The following ARHGAP18 variants were observed in gnomAD, a reference collection of about 807,000 sequenced individuals.
ARHGAP18 encodes rho GTPase-activating protein 18.
A neutral mutation model predicts 86.2 loss-of-function variants in ARHGAP18; 67 were observed. The observed-to-expected ratio is 0.78, with a 90% CI of 0.64 to 0.95. The LOEUF (loss-of-function observed/expected upper bound fraction) is 0.95, where lower values mean the gene tolerates loss of function less well. Ranked by LOEUF, ARHGAP18 falls within the 40% of genes least tolerant of loss-of-function variation. ARHGAP18 has a pLI of 0.00. For synonymous variants in ARHGAP18, 283 were observed against 280.4 expected (o/e 1.01, Z -0.09); for missense variants, 691 against 780.4 (o/e 0.89, Z 1.37).
At chr6:129,616,391 G>T in intron 6 of ARHGAP18, 88 bp from the exon 7 acceptor site, 1 of 1,024,524 alleles carries the variant, frequency 9.8e-7, no homozygotes, top group Non-Finnish European at 1.4e-6. Context: ...TTCTGATACT[G>T]TCGATCAGAC....
chr6:129,621,026 G>C (rs1789217505), intron 5 of ARHGAP18, among the ~76,000 whole-genome samples: 1 of 152,028 alleles, frequency 6.6e-6, no homozygotes, highest in African/African-American at 2.4e-5. Flanking sequence ...ATTTTCTTTA[G>C]AAAATATGGC....
chr6:129,605,733 A>G, intron 10 of ARHGAP18, 144 bp downstream of exon 10: 1 of 682,892 alleles, frequency 1.5e-6, no homozygotes, highest in Non-Finnish European at 2.5e-6. Flanking sequence ...AAAGGCTTTC[A>G]CCCTCTGTCC....
chr6:129,618,493 T>C (rs574686632), intron 6 of ARHGAP18, among the ~76,000 whole-genome samples, 194 bp downstream of exon 6: 2 of 152,364 alleles, frequency 1.3e-5, no homozygotes, highest in South Asian at 4.1e-4. Flanking sequence ...TTATTCTCTA[T>C]AGTCTAGGAC....
chr6:129,650,819 G>A (rs2114509049), intron 1 of ARHGAP18, among the ~76,000 whole-genome samples: 1 of 152,224 alleles, frequency 6.6e-6, no homozygotes, highest in Non-Finnish European at 1.5e-5. Context: ...CCTTGCACTT[G>A]GAGCATAGGC....
At chr6:129,609,377 C>T (rs767115565) in intron 8 of ARHGAP18, among the ~76,000 whole-genome samples, 1 of 152,136 alleles carries the variant, frequency 6.6e-6, no homozygotes, top group South Asian at 2.1e-4. Flanking sequence ...AGAAATTACA[C>T]TTAGTTAAAC....
intron 5 of ARHGAP18, among the ~76,000 whole-genome samples, chr6:129,620,644 T>C (rs1198378159): frequency 6.6e-6 from 1 of 152,208 alleles, no homozygotes; most frequent in Non-Finnish European, 1.5e-5. Context: ...TTTAATTCAA[T>C]TGCTGATTAG....
intron 1 of ARHGAP18, among the ~76,000 whole-genome samples, chr6:129,669,079 G>GGACA (rs1158224413): frequency 2.0e-5 from 3 of 152,094 alleles, no homozygotes; most frequent in Non-Finnish European, 4.4e-5. Context: ...GGTGTCTGTA[G>GGACA]GACAGGCTGT....
At chr6:129,668,362 TCACACACACACA>T (rs35153109) in intron 1 of ARHGAP18, among the ~76,000 whole-genome samples, 3 of 137,758 alleles carry the variant, frequency 2.2e-5, no homozygotes, top group Admixed American at 7.4e-5. Flanking sequence ...ACCCAAATAA[TCACACACACACA>T]CACACACACA....
intron 5 of ARHGAP18, among the ~76,000 whole-genome samples, chr6:129,629,126 G>A (rs1229531981): frequency 2.0e-5 from 3 of 151,944 alleles, no homozygotes; most frequent in Admixed American, 1.3e-4. Flanking sequence ...GCTCATCCCT[G>A]TAATCCCAAG....
intron 12 of ARHGAP18, among the ~76,000 whole-genome samples, chr6:129,585,804 G>A (rs1283444816): frequency 6.6e-6 from 1 of 152,162 alleles, no homozygotes; most frequent in Non-Finnish European, 1.5e-5. Flanking sequence ...AATTCAATCT[G>A]TGAAGGACAA....
At position 129,580,052 on chromosome 6, in the gene ARHGAP18, A is replaced by G. The variant is rs1352145908; in HGVS notation, c.1900+18T>C. 7 of 1,590,794 alleles carry G rather than the reference A, an allele frequency of 4.4e-6. No homozygotes were observed. The East Asian group carries it at 1.6e-4, about 36-fold the overall frequency. On this transcript the variant is annotated intron_variant, in intron 14 of 14. Coordinates refer to ENST00000368149, the MANE Select transcript of ARHGAP18 (RefSeq NM_033515.3). ...TCAAAACAGCATATAAAATGTAAAG[A>G]GAAAAAAAAGTGCTTACCAATATTT...
At chr6:129,689,243 T>C (rs1048068242) in intron 1 of ARHGAP18, among the ~76,000 whole-genome samples, 3 of 152,162 alleles carry the variant, frequency 2.0e-5, no homozygotes, top group Admixed American at 6.5e-5. Context: ...CCCTCTCACA[T>C]GAGGATAAGA....
At chr6:129,624,801 C>T (rs566108838) in intron 5 of ARHGAP18, among the ~76,000 whole-genome samples, 14 of 150,542 alleles carry the variant, frequency 9.3e-5, no homozygotes, top group Non-Finnish European at 1.3e-4. Flanking sequence ...AAAAATCAGC[C>T]GGGCGTGGTG....
At chr6:129,669,468 G>A (rs1009989258) in intron 1 of ARHGAP18, among the ~76,000 whole-genome samples, 1 of 142,122 alleles carries the variant, frequency 7.0e-6, no homozygotes, top group East Asian at 2.5e-4. Flanking sequence ...CACCGCGCCC[G>A]GCCCTAACAT....
At chr6:129,661,584 A>G (rs1323625794) in intron 1 of ARHGAP18, among the ~76,000 whole-genome samples, 1 of 151,406 alleles carries the variant, frequency 6.6e-6, no homozygotes, top group Admixed American at 6.6e-5. Flanking sequence ...TAGTTTTACC[A>G]AGCAGCTAAC....
At chr6:129,673,707 T>C (rs548478519) in intron 1 of ARHGAP18, among the ~76,000 whole-genome samples, 2 of 152,212 alleles carry the variant, frequency 1.3e-5, no homozygotes, top group Non-Finnish European at 2.9e-5. Flanking sequence ...ATCAGTTAAC[T>C]CTTTTTAATG....
intron 1 of ARHGAP18, among the ~76,000 whole-genome samples, chr6:129,647,258 G>T (rs759066125): frequency 3.5e-4 from 53 of 152,254 alleles, no homozygotes; most frequent in Non-Finnish European, 5.3e-4. Context: ...TTGCCTTAAT[G>T]TGCCTTTGTC....
intron 1 of ARHGAP18, among the ~76,000 whole-genome samples, chr6:129,694,347 C>G (rs1393408110): frequency 2.0e-5 from 3 of 152,204 alleles, no homozygotes; most frequent in Non-Finnish European, 4.4e-5. Flanking sequence ...TACTTTACCT[C>G]TGTGCTTCTG....
At chr6:129,649,768 A>C (rs1773664687) in intron 1 of ARHGAP18, among the ~76,000 whole-genome samples, 1 of 152,140 alleles carries the variant, frequency 6.6e-6, no homozygotes, top group Non-Finnish European at 1.5e-5. Context: ...AGACAAGCCC[A>C]TTAATGACAC....
Sources: gnomAD v4.1 joint callset for allele counts (sites outside exome capture counted in the v4.1 genomes callset) on GRCh38, gnomAD v4.1.1 for gene constraint, MANE v1.5 for transcripts, NCBI Gene and HGNC (gene_info 2026-07-23, HGNC 2026-07-21) for gene names.